Variants in PHF20 observed in about 807,000 individuals in gnomAD.
The protein encoded by PHF20 is glioma-expressed antigen 2.
Under a neutral mutation model 113.5 loss-of-function variants are expected in PHF20, and 23 were observed. That is an observed-to-expected ratio of 0.20 (90% CI 0.15 to 0.29). The LOEUF (loss-of-function observed/expected upper bound fraction) is 0.29. Ranked by LOEUF, PHF20 falls within the 10% of genes least tolerant of loss-of-function variation. The pLI is 1.00. For missense variants in PHF20, 943 were observed against 1,219.6 expected (o/e 0.77, Z 3.38); for synonymous variants, 434 against 457.3 (o/e 0.95, Z 0.65).
At chr20:35,913,936 T>C in intron 11 of PHF20, 97 bp from the exon 12 acceptor site, 2 of 1,233,532 alleles carry the variant, frequency 1.6e-6, no homozygotes, top group Non-Finnish European at 2.3e-6. Context: ...GCCTTTGTGC[T>C]GCTTGAAAAG....
chr20:35,862,014 G>A (rs2054226744), intron 5 of PHF20, among the ~76,000 whole-genome samples: 1 of 152,072 alleles, frequency 6.6e-6, no homozygotes. Context: ...TTATAGTTTT[G>A]GAATCTCTAG....
intron 17 of PHF20, among the ~76,000 whole-genome samples, chr20:35,943,381 G>T (rs1007299625): frequency 6.6e-6 from 1 of 151,560 alleles, no homozygotes; most frequent in Non-Finnish European, 1.5e-5. Flanking sequence ...ACCTGGCGTG[G>T]TGGCTCACAC....
chr20:35,882,189 G>C (rs1170250152), intron 9 of PHF20, among the ~76,000 whole-genome samples: 1 of 152,140 alleles, frequency 6.6e-6, no homozygotes, highest in East Asian at 1.9e-4. Flanking sequence ...GAGCAAGCTG[G>C]TTTGGCCAGA....
intron 2 of PHF20, among the ~76,000 whole-genome samples, chr20:35,825,611 A>G (rs1600789525): frequency 6.6e-6 from 1 of 152,100 alleles, no homozygotes; most frequent in Non-Finnish European, 1.5e-5. Flanking sequence ...TAAGACATTG[A>G]ATTAAGAAGA....
At chr20:35,914,322 A>T in intron 12 of PHF20, 125 bp downstream of exon 12, 1 of 947,598 alleles carries the variant, frequency 1.1e-6, no homozygotes, top group Non-Finnish European at 1.6e-6. Flanking sequence ...AGTCAGACAT[A>T]ATTTTTATTT....
chr20:35,811,290 C>G (rs1311116685), intron 2 of PHF20, among the ~76,000 whole-genome samples: 1 of 152,110 alleles, frequency 6.6e-6, no homozygotes, highest in Non-Finnish European at 1.5e-5. Context: ...CATGATCTGT[C>G]CACCTCGGCC....
rs878862445 is a variant in PHF20, at chr20:35,852,536, G to C, written c.340+5102G>C. On this transcript the variant is annotated intron_variant, in intron 4 of 17. Transcript: ENST00000374012. ...AGAAAATACTTAGAGGGAGGGGAAG[G>C]CATGCCCACAAACATATGCACATCC... Among the ~76,000 whole-genome samples the C allele has an allele frequency of 3.3e-5, 5 of 151,916 alleles. No homozygotes were observed. The East Asian group carries it at 5.8e-4, about 18-fold the overall frequency.
intron 1 of PHF20, among the ~76,000 whole-genome samples, chr20:35,793,962 G>A (rs1388332908): frequency 3.6e-5 from 5 of 137,606 alleles, no homozygotes; most frequent in African/African-American, 8.3e-5. Context: ...CACCTTGCAC[G>A]CTGGGCTGGG....
At chr20:35,787,203 G>A (rs760375789) in intron 1 of PHF20, among the ~76,000 whole-genome samples, 6 of 150,948 alleles carry the variant, frequency 4.0e-5, no homozygotes, top group Non-Finnish European at 4.4e-5. Flanking sequence ...ATTTCAGACA[G>A]AGTTTCACTC....
intron 1 of PHF20, among the ~76,000 whole-genome samples, chr20:35,776,496 C>T (rs2041177936): frequency 6.6e-6 from 1 of 152,182 alleles, no homozygotes; most frequent in Non-Finnish European, 1.5e-5. Flanking sequence ...TATTCTAAGT[C>T]TCAAGTGGGT....
At chr20:35,917,791 G>A (rs2055435448) in intron 13 of PHF20, 129 bp downstream of exon 13, 2 of 765,560 alleles carry the variant, frequency 2.6e-6, no homozygotes, top group Non-Finnish European at 4.2e-6. Flanking sequence ...AGCAGACTGA[G>A]CTTCTCTTTT....
At chr20:35,836,239 A>G (rs1300001705) in intron 2 of PHF20, among the ~76,000 whole-genome samples, 1 of 151,550 alleles carries the variant, frequency 6.6e-6, no homozygotes, top group Non-Finnish European at 1.5e-5. Context: ...CTGGTCTCAA[A>G]CTCCTGGCTT....
chr20:35,836,448 C>A (rs1353827790), intron 2 of PHF20, among the ~76,000 whole-genome samples: 1 of 152,118 alleles, frequency 6.6e-6, no homozygotes, highest in African/African-American at 2.4e-5. Context: ...TGTCTTCATT[C>A]TTTCTTGTGG....
At position 35,899,566 on chromosome 20, in the gene PHF20, T is replaced by A; in HGVS notation, c.1479T>A (p.His493Gln). ...LEPEESPGKRHVQTRGPSASD... is the reference protein window; with the variant it reads ...LEPEESPGKRQVQTRGPSASD... ...CAGAAGAGAGCCCGGGAAAGAGGCA[T>A]GTCCAAACCAGGGGCCCTTCAGCTT... The change falls in exon 10 of 18, where the codon CAT becomes CAA. Residue 493 changes from histidine to glutamine, a missense_variant. Coordinates refer to ENST00000374012, the MANE Select transcript of PHF20 (RefSeq NM_016436.5). The A allele has an allele frequency of 6.2e-7, 1 of 1,614,170 alleles. No homozygotes were observed. The highest frequency in any genetic ancestry group is 8.5e-7 in the Non-Finnish European group (1 of 1,180,014).
chr20:35,862,554 C>G (rs1426638196), intron 5 of PHF20, among the ~76,000 whole-genome samples: 1 of 151,844 alleles, frequency 6.6e-6, no homozygotes, highest in Non-Finnish European at 1.5e-5. Flanking sequence ...ATAGGGAGAC[C>G]CTATTGCTAC....
chr20:35,804,957 A>C (rs1219764863), intron 2 of PHF20, among the ~76,000 whole-genome samples: 1 of 152,064 alleles, frequency 6.6e-6, no homozygotes, highest in Non-Finnish European at 1.5e-5. Flanking sequence ...GCTGTAATGC[A>C]GGGTCGTGAT....
At chr20:35,842,478 T>C in intron 2 of PHF20, 95 bp from the exon 3 acceptor site, 1 of 1,123,930 alleles carries the variant, frequency 8.9e-7, no homozygotes, top group Non-Finnish European at 1.3e-6. Flanking sequence ...GGTAACCTTC[T>C]CCTTTGGGAA....
At chr20:35,858,646 C>G (rs2042881512) in intron 5 of PHF20, among the ~76,000 whole-genome samples, 1 of 152,272 alleles carries the variant, frequency 6.6e-6, no homozygotes, top group South Asian at 2.1e-4. Flanking sequence ...TCTTGGCTCA[C>G]TGCAACCTCT....
chr20:35,895,054 C>T (rs943808884), intron 9 of PHF20, among the ~76,000 whole-genome samples: 12 of 151,958 alleles, frequency 7.9e-5, no homozygotes, highest in African/African-American at 2.7e-4. Flanking sequence ...GACAAAGTCT[C>T]GCTCTGTCGC....
Sources: allele counts gnomAD v4.1 joint callset (sites outside exome capture counted in the v4.1 genomes callset), GRCh38; gene constraint gnomAD v4.1.1; transcripts MANE v1.5; gene names NCBI Gene and HGNC (gene_info 2026-07-23, HGNC 2026-07-21).